The following CCZ1B variants were observed in gnomAD, a reference collection of about 807,000 sequenced individuals.
The protein encoded by CCZ1B is CCZ1B vacuolar protein trafficking and biogenesis associated, also known as vacuolar fusion protein CCZ1 homolog B.
In CCZ1B, 25 loss-of-function variants were observed where a neutral mutation model predicts 58.8. The observed-to-expected ratio is 0.43, with a 90% CI of 0.31 to 0.59. CCZ1B has a LOEUF of 0.59. Among genes scored for constraint, CCZ1B ranks in the 20% least tolerant of loss-of-function variants. The pLI is 0.12. For synonymous variants in CCZ1B, 66 were observed against 173.2 expected, an observed-to-expected ratio of 0.38 and a Z score of 4.86; for missense variants, 180 against 501.5, an observed-to-expected ratio of 0.36 and a Z score of 6.12.
At chr7:6,819,118 TATAAGAAAAAAAA>T (rs2115125275) in intron 7 of CCZ1B, among the ~76,000 whole-genome samples, 1 of 37,704 alleles carries the variant, frequency 2.7e-5, no homozygotes, top group South Asian at 1.9e-3. Flanking sequence ...ACCCCATCTC[TATAAGAAAAAAAA>T]AAAAAAAAAA....
At position 6,814,814 on chromosome 7, in the gene CCZ1B, A is replaced by G. The variant is rs1782974504; in HGVS notation, c.730T>C (p.Leu244=). The change falls in exon 8 of 15, where the codon TTA becomes CTA. Residue 244 remains leucine, a synonymous_variant. Transcript: ENST00000316731. ...SGLEQDDMRI[L]YKYLTTSLFP... is the part of the protein sequence containing the mutation. ...AGGGAGGTGGTAAGGTATTTGTATA[A>G]AATTCTCATGTCATCTTGTTCTAAT... is the stretch of plus-strand genomic sequence containing the variant. The G allele has an allele frequency of 6.2e-7, 1 of 1,607,096 alleles. No homozygotes were observed. The highest frequency in any genetic ancestry group is 1.7e-5 in the Admixed American group (1 of 59,372).
intron 5 of CCZ1B, 152 bp from the exon 6 acceptor site, chr7:6,822,516 G>C: frequency 2.3e-6 from 3 of 1,332,416 alleles, no homozygotes; most frequent in Non-Finnish European, 2.0e-6. Flanking sequence ...GAAAACTTGA[G>C]TTAAAAATGT....
rs546848695 is a variant in CCZ1B, at chr7:6,817,666, C to A, written c.698+2100G>T. Among the ~76,000 whole-genome samples the A allele has an allele frequency of 4.6e-4, 69 of 149,910 alleles. 3 individuals carry two copies. The highest frequency in any genetic ancestry group is 1.7e-3 in the African/African-American group (68 of 39,922). Reference sequence around the variant, plus strand: ...ATTGTGTACATATCACAGAAAGCAACTATAGCTGAGTCAGTACAGCGTAAG... The same window carrying A: ...ATTGTGTACATATCACAGAAAGCAAATATAGCTGAGTCAGTACAGCGTAAG... On this transcript the variant is annotated intron_variant, in intron 7 of 14. Coordinates refer to ENST00000316731, the MANE Select transcript of CCZ1B (RefSeq NM_198097.5).
At chr7:6,821,776 T>C (rs1407193913) in intron 6 of CCZ1B, among the ~76,000 whole-genome samples, 1 of 150,764 alleles carries the variant, frequency 6.6e-6, no homozygotes, top group African/African-American at 2.5e-5. Context: ...ACATGCAAAA[T>C]TCAATTACAA....
At chr7:6,810,033 A>G (rs1782894993) in intron 10 of CCZ1B, among the ~76,000 whole-genome samples, 1 of 150,270 alleles carries the variant, frequency 6.7e-6, no homozygotes, top group Non-Finnish European at 1.5e-5. Flanking sequence ...TCTTTCTGAG[A>G]CAGAGTCTTG....
chr7:6,815,344 G>A (rs1336852566), intron 7 of CCZ1B, among the ~76,000 whole-genome samples: 3 of 149,094 alleles, frequency 2.0e-5, no homozygotes, highest in Non-Finnish European at 4.4e-5. Context: ...TGTATTTTAT[G>A]TAGAGATGGG....
At chr7:6,815,692 C>A (rs2115120384) in intron 7 of CCZ1B, among the ~76,000 whole-genome samples, 1 of 149,150 alleles carries the variant, frequency 6.7e-6, no homozygotes, top group Non-Finnish European at 1.5e-5. Context: ...TCAGCCCAGG[C>A]ACTGGAACTT....
chr7:6,819,993 T>A, intron 6 of CCZ1B, 52 bp from the exon 7 acceptor site: 1 of 1,405,794 alleles, frequency 7.1e-7, no homozygotes, highest in Non-Finnish European at 9.8e-7. Flanking sequence ...CTGAATATAA[T>A]GCTCCTTGAT....
intron 10 of CCZ1B, among the ~76,000 whole-genome samples, chr7:6,810,764 A>T (rs1583551068): frequency 2.7e-5 from 4 of 149,652 alleles, no homozygotes; most frequent in Middle Eastern, 6.8e-3. Flanking sequence ...ATTAATAGAT[A>T]CAACTCTTCT....
intron 5 of CCZ1B, among the ~76,000 whole-genome samples, chr7:6,822,801 G>C (rs554572911): frequency 7.0e-6 from 1 of 141,996 alleles, no homozygotes; most frequent in Non-Finnish European, 1.5e-5. Flanking sequence ...TCCAAGGTGC[G>C]AGCGATCCTC....
chr7:6,812,948 A>G, intron 9 of CCZ1B, 28 bp downstream of exon 9: 1 of 1,537,420 alleles, frequency 6.5e-7, no homozygotes, highest in Non-Finnish European at 8.8e-7. Flanking sequence ...AAAACCCAGT[A>G]TCATAAATCA....
intron 4 of CCZ1B, 148 bp from the exon 5 acceptor site, chr7:6,823,508 T>TAAAG: frequency 8.1e-7 from 1 of 1,229,544 alleles, no homozygotes; most frequent in Non-Finnish European, 1.1e-6. Context: ...AAAAAAGTGT[T>TAAAG]TGCGTTCTTT....
intron 6 of CCZ1B, among the ~76,000 whole-genome samples, chr7:6,820,518 T>C (rs1258387391): frequency 6.7e-6 from 1 of 148,742 alleles, no homozygotes; most frequent in African/African-American, 2.5e-5. Context: ...AGTCTTGCTA[T>C]GTTGCCTAGG....
intron 7 of CCZ1B, among the ~76,000 whole-genome samples, chr7:6,817,003 A>T (rs1221339815): frequency 6.6e-6 from 1 of 152,270 alleles, no homozygotes; most frequent in African/African-American, 2.4e-5. Context: ...GTCTCAAGTG[A>T]TCCTCCTGCC....
At chr7:6,804,115 CTA>C (rs1355826148) in intron 12 of CCZ1B, among the ~76,000 whole-genome samples, 2 of 151,044 alleles carry the variant, frequency 1.3e-5, no homozygotes, top group African/African-American at 4.9e-5. Flanking sequence ...TTTATAATAA[CTA>C]TTTTATATTG....
intron 5 of CCZ1B, 31 bp from the exon 6 acceptor site, chr7:6,822,395 A>G (rs1481043548): frequency 2.5e-6 from 4 of 1,582,248 alleles, no homozygotes; most frequent in Middle Eastern, 3.4e-4. Flanking sequence ...AGAAAAAAAA[A>G]TCAGTTTCCT....
At chr7:6,804,110 A>G (rs1468294913) in intron 12 of CCZ1B, among the ~76,000 whole-genome samples, 1 of 150,976 alleles carries the variant, frequency 6.6e-6, no homozygotes, top group East Asian at 2.0e-4. Flanking sequence ...TTCACTTTAT[A>G]ATAACTATTT....
intron 1 of CCZ1B, among the ~76,000 whole-genome samples, chr7:6,825,641 C>CCACAGA (rs1554259769): frequency 3.4e-5 from 3 of 87,292 alleles, no homozygotes; most frequent in Admixed American, 2.7e-4. Flanking sequence ...CTCAGAAAAA[C>CCACAGA]CACACACACA....
chr7:6,816,134 G>T (rs1272754171), intron 7 of CCZ1B, among the ~76,000 whole-genome samples: 15 of 147,502 alleles, frequency 1.0e-4, no homozygotes, highest in African/African-American at 2.3e-4. Flanking sequence ...TTTTTAAAAG[G>T]AGACAGACAA....
Sources: gnomAD v4.1 joint callset for allele counts (sites outside exome capture counted in the v4.1 genomes callset) on GRCh38, gnomAD v4.1.1 for gene constraint, MANE v1.5 for transcripts, NCBI Gene and HGNC (gene_info 2026-07-23, HGNC 2026-07-21) for gene names.